PGM3: variants seen among roughly 807,000 people sequenced by gnomAD.
PGM3 encodes phosphoglucomutase 3, also known as phosphoacetylglucosamine mutase.
Under a neutral mutation model 66.2 loss-of-function variants are expected in PGM3, and 40 were observed. That is an observed-to-expected ratio of 0.60 (90% CI 0.47 to 0.79). The LOEUF is 0.79. Among genes scored for constraint, PGM3 ranks in the 30% least tolerant of loss-of-function variants. PGM3 has a pLI of 0.00. For missense variants in PGM3, 537 were observed against 643.4 expected (o/e 0.83, Z 1.79); for synonymous variants, 191 against 224.2 (o/e 0.85, Z 1.32).
chr6:83,153,262 TTTC>T, the PGM3 span: 1 of 266,098 alleles, frequency 3.8e-6, no homozygotes, highest in South Asian at 1.4e-4. Flanking sequence ...CTTGAACTCT[TTTC>T]TTTTTTGTAC....
At chr6:83,184,648 G>A (rs184905667) in intron 4 of PGM3, among the ~76,000 whole-genome samples, 6 of 152,210 alleles carry the variant, frequency 3.9e-5, no homozygotes, top group Admixed American at 3.3e-4. Flanking sequence ...GTTCTTCACA[G>A]TTCTGTTCTC....
In PGM3 at chr6:83,186,536, T is replaced by C. The variant is rs573265351; in HGVS notation, c.457+472A>G. ...CAGACACAGTGTGAGAAGGGGATCC[T>C]AGTCTGTTTTGTTTCACTTAATTCT... On this transcript the variant is annotated intron_variant, in intron 4 of 12. Coordinates refer to ENST00000513973, the MANE Select transcript of PGM3 (RefSeq NM_015599.3). 3.9e-5 allele frequency among the ~76,000 whole-genome samples: 6 copies of C among 152,318 alleles called. No individual in the cohort carries two copies. In the South Asian group the frequency reaches 1.0e-3, roughly 26 times the overall value.
In PGM3 at chr6:83,174,412, C is replaced by T. The variant is rs139511953; in HGVS notation, c.1204G>A (p.Ala402Thr). 3.5e-5 allele frequency: 57 copies of T among 1,607,212 alleles called. No homozygotes were observed. The African/African-American group carries it at 7.0e-4, about 20-fold the overall frequency. ...TCAATAATGTTTTCAAGCATCTTAG[C>T]AGCTTTTCTTTTCTTATCTTCCAGT... ...EQLEDKKRKA[A>T]KMLENIIDLF... The change falls in exon 10 of 13, where the codon GCT becomes ACT. Residue 402 changes from alanine (A) to threonine (T), a missense_variant. By Grantham distance (58) the Ala-to-Thr change is moderately conservative. Transcript: ENST00000513973.
chr6:83,190,419 C>T (rs1424020693), intron 2 of PGM3: 1 of 178,250 alleles, frequency 5.6e-6, no homozygotes, highest in Non-Finnish European at 1.2e-5. Context: ...GCTATAAAAA[C>T]CTGTCTGAAA....
In PGM3 at chr6:83,167,873, G is replaced by A. The variant is rs1047126668; in HGVS notation, c.*1361C>T. ...TTTGTTTTCTGCAGAAAAATCCAGA[G>A]GAAGACAACTCAGGGAGAACATTGG... On this transcript the variant is annotated 3_prime_UTR_variant, in exon 13 of 13. Coordinates refer to ENST00000513973, the MANE Select transcript of PGM3 (RefSeq NM_015599.3). 1 of 1,606,626 alleles carries A rather than the reference G, an allele frequency of 6.2e-7. No homozygotes were observed.
chr6:83,179,115 A>C (rs1328069758), intron 7 of PGM3, among the ~76,000 whole-genome samples: 1 of 152,102 alleles, frequency 6.6e-6, no homozygotes, highest in Non-Finnish European at 1.5e-5. Flanking sequence ...GTTCGAGACC[A>C]GCCTGGCCAA....
In PGM3 at chr6:83,167,746, T is replaced by A. The variant is rs987494286; in HGVS notation, c.*1488A>T. The A allele has an allele frequency of 3.7e-5, 54 of 1,448,904 alleles. 1 individual carries two copies. The highest frequency in any genetic ancestry group is 4.6e-5 in the South Asian group (3 of 65,392). 89.8% of individuals were successfully genotyped at this position (1,448,904 alleles called of 1,614,324 possible). ...TTTGATCAGGTCAGGAGTTAGAAAC[T>A]TAATGTCATTTGTATTCATTTCTTG... On this transcript the variant is annotated 3_prime_UTR_variant, in exon 13 of 13. Coordinates refer to ENST00000513973, the MANE Select transcript of PGM3 (RefSeq NM_015599.3).
rs745598523 is a variant in PGM3 at position 83,167,992 on chromosome 6, A to G, written c.*1242T>C. On this transcript the variant is annotated 3_prime_UTR_variant, in exon 13 of 13. Coordinates refer to ENST00000513973, the MANE Select transcript of PGM3 (RefSeq NM_015599.3). The stretch of plus-strand genomic sequence containing the variant: ...TTCAATGTGCTCAGTCAAGTCTTCA[A>G]CAGCAAAGTCACAAGCCGATGTGGA... 7 of 1,614,200 alleles carry G rather than the reference A, an allele frequency of 4.3e-6. No homozygotes were observed. The highest frequency in any genetic ancestry group is 5.9e-6 in the Non-Finnish European group (7 of 1,180,038).
intron 4 of PGM3, among the ~76,000 whole-genome samples, chr6:83,186,703 T>G (rs1788606783): frequency 6.6e-6 from 1 of 152,188 alleles, no homozygotes; most frequent in African/African-American, 2.4e-5. Flanking sequence ...ATGATCATCT[T>G]CAAGTACTTA....
At position 83,190,986 on chromosome 6, in the gene PGM3, G is replaced by A. The variant is rs1788997569; in HGVS notation, c.27C>T (p.Tyr9=). 2 of 1,613,744 alleles carry A rather than the reference G, an allele frequency of 1.2e-6. No individual in the cohort carries two copies. The highest frequency in any genetic ancestry group is 1.7e-6 in the Non-Finnish European group (2 of 1,179,764). ...CATTGGGCTTGGCGTGTAATGCTGA[G>A]TATTTTGTAATAGCACCTAAATCCA... MDLGAITK[Y]SALHAKPNGL... is the part of the protein sequence containing the mutation. Residue 9 remains tyrosine (Y), a synonymous_variant, in exon 2 of 13, where the codon TAC becomes TAT. Coordinates refer to ENST00000513973, the MANE Select transcript of PGM3 (RefSeq NM_015599.3).
chr6:83,153,784 A>T, the PGM3 span: 1 of 1,269,658 alleles, frequency 7.9e-7, no homozygotes, highest in Non-Finnish European at 1.1e-6. Context: ...GGTGCTTTCT[A>T]TTTCATATCT....
chr6:83,154,309 C>T, the PGM3 span: 1 of 1,433,920 alleles, frequency 7.0e-7, no homozygotes, highest in Non-Finnish European at 9.8e-7. Context: ...TTTACTTGTA[C>T]TCTTTTCTGG....
chr6:83,154,213 T>A, the PGM3 span: 1 of 1,613,978 alleles, frequency 6.2e-7, no homozygotes, highest in South Asian at 1.1e-5. Context: ...TGATGACACA[T>A]GATAAAACAA....
the PGM3 span, among the ~76,000 whole-genome samples, chr6:83,152,885 T>G: frequency 2.0e-5 from 3 of 152,192 alleles, no homozygotes; most frequent in Non-Finnish European, 4.4e-5. Context: ...CCCAAAGTGC[T>G]GAGGTTACAG....
chr6:83,157,644 T>G (rs574429302), downstream of PGM3, among the ~76,000 whole-genome samples: 60 of 152,284 alleles, frequency 3.9e-4, no homozygotes, highest in South Asian at 0.012. Flanking sequence ...CTGGACCCAT[T>G]TACAATAGCT....
chr6:83,171,159 G>C (rs1349123990), intron 11 of PGM3: 2 of 152,204 alleles, frequency 1.3e-5, no homozygotes, highest in African/African-American at 4.8e-5. Context: ...AGGCAACATA[G>C]TGAGATCTCG....
At chr6:83,170,220 A>T in intron 12 of PGM3, 85 bp downstream of exon 12, 1 of 1,237,278 alleles carries the variant, frequency 8.1e-7, no homozygotes, top group South Asian at 1.3e-5. Context: ...TAATCATCAT[A>T]GTGAGATTCT....
chr6:83,163,651 G>GT (rs1405357822), downstream of PGM3, among the ~76,000 whole-genome samples: 1 of 152,092 alleles, frequency 6.6e-6, no homozygotes, highest in African/African-American at 2.4e-5. Flanking sequence ...CGAATCTAAA[G>GT]TTTCACAAAA....
chr6:83,157,519 T>G (rs1268942940), downstream of PGM3, among the ~76,000 whole-genome samples: 2 of 152,164 alleles, frequency 1.3e-5, no homozygotes, highest in Non-Finnish European at 2.9e-5. Context: ...ACATGCAACA[T>G]AGATGGATGG....
Sources: gnomAD v4.1 joint callset for allele counts (sites outside exome capture counted in the v4.1 genomes callset) on GRCh38, gnomAD v4.1.1 for gene constraint, MANE v1.5 for transcripts, NCBI Gene and HGNC (gene_info 2026-07-23, HGNC 2026-07-21) for gene names.